The following CABP4 variants were observed in gnomAD, a reference collection of about 807,000 sequenced individuals.
CABP4 encodes the protein calcium binding protein 4, also known as calcium-binding protein 4.
A neutral mutation model predicts 30.7 loss-of-function variants in CABP4; 30 were observed. The observed-to-expected ratio is 0.98, with a 90% CI of 0.73 to 1.33. CABP4 has a LOEUF of 1.33. Ranked by LOEUF, CABP4 falls within the 40% of genes most tolerant of loss-of-function variation. The probability of loss-of-function intolerance (pLI) is 0.00; values close to 1 mark genes in which losing one functional copy is unlikely to be tolerated. For synonymous variants in CABP4, 161 were observed against 159.2 expected (o/e 1.01, Z -0.08); for missense variants, 424 against 395.5 (o/e 1.07, Z -0.61).
intron 1 of CABP4, 83 bp from the exon 2 acceptor site, chr11:67,456,105 G>C (rs1224243275): frequency 6.2e-7 from 1 of 1,612,042 alleles, no homozygotes; most frequent in East Asian, 2.2e-5. Flanking sequence ...GCCCTGCCCA[G>C]GCCAACATGA....
At chr11:67,455,933 G>C (rs1864769771) in intron 1 of CABP4, 144 bp downstream of exon 1, 1 of 1,308,536 alleles carries the variant, frequency 7.6e-7, no homozygotes. Context: ...GGTTGCTGCG[G>C]TTTGGGGAAG....
upstream of CABP4, chr11:67,452,763 C>A (rs749616302): frequency 6.1e-6 from 9 of 1,469,592 alleles, no homozygotes; most frequent in Non-Finnish European, 8.3e-6. Context: ...GGAGTGGGTG[C>A]CTGGTGAATC....
chr11:67,456,464 C>T (rs1408070817), intron 3 of CABP4, 22 bp downstream of exon 3: 23 of 1,605,452 alleles, frequency 1.4e-5, no homozygotes, highest in African/African-American at 4.0e-5. Context: ...AGCCCGCCCG[C>T]CCGGGCAGCC....
chr11:67,457,719 G>C (rs1384041938), intron 4 of CABP4, 37 bp downstream of exon 4: 1 of 1,507,450 alleles, frequency 6.6e-7, no homozygotes, highest in East Asian at 2.4e-5. Flanking sequence ...GGGGGGCAGG[G>C]CTGGGTGGCA....
chr11:67,452,525 G>A (rs763560796), upstream of CABP4: 12 of 1,606,782 alleles, frequency 7.5e-6, no homozygotes, highest in East Asian at 6.7e-5. Flanking sequence ...CAGGAGCAGC[G>A]CCAGACGCGT....
chr11:67,455,737 A>T lies in CABP4; in HGVS notation c.314A>T (p.His105Leu), dbSNP rs750889778. The T allele has an allele frequency of 6.2e-7, 1 of 1,603,144 alleles. No individual in the cohort carries two copies. The highest frequency in any genetic ancestry group is 8.5e-7 in the Non-Finnish European group (1 of 1,176,118). ...CACCGACATCGTCCTGACTCCCTGCACGACGCTGCTCAGAGGACATACGGG... is the reference window on the plus strand; with the variant it reads ...CACCGACATCGTCCTGACTCCCTGCTCGACGCTGCTCAGAGGACATACGGG... ...QSHRHRPDSL[H>L]DAAQRTYGPL... is the part of the protein sequence containing the mutation. The change falls in exon 1 of 6, where the codon CAC (histidine) becomes CTC (leucine). Residue 105 changes from histidine to leucine, a missense_variant. By Grantham distance (99) the His-to-Leu change is moderately conservative. Coordinates refer to ENST00000325656, the MANE Select transcript of CABP4 (RefSeq NM_145200.5).
rs1305230315 is a variant in CABP4 at position 67,456,080 on chromosome 11, C to G, written c.367-108C>G. ...ACGAGGCTTCAGGGTCCTTTTCCTACTCTGATGGGGCTGGGCCCTGCCCAG... is the reference window on the plus strand; with the variant it reads ...ACGAGGCTTCAGGGTCCTTTTCCTAGTCTGATGGGGCTGGGCCCTGCCCAG... On this transcript the variant is annotated intron_variant, in intron 1 of 5. Coordinates refer to ENST00000325656, the MANE Select transcript of CABP4 (RefSeq NM_145200.5). 4 of 1,606,496 alleles carry G rather than the reference C, an allele frequency of 2.5e-6. No homozygotes were observed. In the South Asian group the frequency reaches 3.3e-5, roughly 13 times the overall value.
At chr11:67,455,848 T>G in intron 1 of CABP4, 59 bp downstream of exon 1, 1 of 1,532,376 alleles carries the variant, frequency 6.5e-7, no homozygotes, top group Non-Finnish European at 8.8e-7. Flanking sequence ...GACACACCCC[T>G]TGGGCTCAGC....
Position 67,456,372 on chromosome 11 carries a change from C to T in CABP4, c.471C>T (p.Cys157=), listed in dbSNP as rs2135178231. Residue 157 remains cysteine (C), a synonymous_variant, in exon 3 of 6, where the codon TGC becomes TGT. Transcript: ENST00000325656. ...TCAGCCACCGGGAGCTGGGTGACTG[C>T]ATGCGGACCCTGGGCTACATGCCCA... The part of the protein sequence containing the change: ...GYISHRELGD[C]MRTLGYMPTE... The T allele has an allele frequency of 6.2e-7, 1 of 1,613,628 alleles. No individual in the cohort carries two copies. Among genetic ancestry groups the T allele is most frequent in the Non-Finnish European group, 8.5e-7 (1 of 1,179,996 alleles).
At chr11:67,455,961 C>T (rs767928727) in intron 1 of CABP4, 172 bp downstream of exon 1, 10 of 1,145,620 alleles carry the variant, frequency 8.7e-6, no homozygotes, top group East Asian at 8.5e-5. Flanking sequence ...CTCGGGCCAG[C>T]GTGGGCGGTG....
rs777888510 is a variant in CABP4 at position 67,457,577 on chromosome 11, C to A, written c.546C>A (p.Gly182=). The A allele has an allele frequency of 6.3e-7, 1 of 1,582,310 alleles. No homozygotes were observed. The highest frequency in any genetic ancestry group is 1.8e-5 in the Admixed American group (1 of 54,766). ...ACACTCTTCCTGGGTCTGCAGTGGG[C>A]GGCCGTGTGGACTTTGAGGAGTTTG... ...EVSQHIKMRM[G]GRVDFEEFVE... is the part of the protein sequence containing the mutation. The change falls in exon 4 of 6, where the codon GGC becomes GGA. Residue 182 remains glycine (G), a synonymous_variant. Transcript: ENST00000325656.
At chr11:67,455,971 G>A in intron 1 of CABP4, 182 bp downstream of exon 1, 3 of 1,154,026 alleles carry the variant, frequency 2.6e-6, no homozygotes, top group South Asian at 1.5e-5. Context: ...CGTGGGCGGT[G>A]GGCAGAGCCA....
At chr11:67,454,377 G>A (rs1305181911), upstream of CABP4, among the ~76,000 whole-genome samples, 2 of 152,080 alleles carry the variant, frequency 1.3e-5, no homozygotes, top group African/African-American at 4.8e-5. Flanking sequence ...GGTGCCCTCC[G>A]TACCCTCAGG....
intron 3 of CABP4, among the ~76,000 whole-genome samples, chr11:67,456,891 A>C (rs961389231): frequency 6.6e-6 from 1 of 152,044 alleles, no homozygotes; most frequent in Non-Finnish European, 1.5e-5. Context: ...CCCTGATGGG[A>C]GAGGACCCCA....
intron 3 of CABP4, 81 bp from the exon 4 acceptor site, chr11:67,457,492 G>C: frequency 8.4e-7 from 1 of 1,184,118 alleles, no homozygotes; most frequent in Non-Finnish European, 1.2e-6. Context: ...TGGGGGTGGG[G>C]GTGCCTGGCC....
chr11:67,460,616 A>G lies in CABP4; in HGVS notation c.*1957A>G, dbSNP rs1181533164. Among the ~76,000 whole-genome samples, 1 of 152,164 alleles carries G rather than the reference A, an allele frequency of 6.6e-6. No homozygotes were observed. The highest frequency in any genetic ancestry group is 1.9e-4 in the East Asian group (1 of 5,198). On this transcript the variant is annotated 3_prime_UTR_variant, in exon 6 of 6. Coordinates refer to ENST00000325656, the MANE Select transcript of CABP4 (RefSeq NM_145200.5). The stretch of plus-strand genomic sequence containing the variant: ...ACAATTTAAAGATTAATGAACTGGA[A>G]GCTATATCTAAGAAATCACTTATAA...
chr11:67,460,516 T>TATAC lies in CABP4; in HGVS notation c.*1858_*1859insTACA, dbSNP rs1554998700. On this transcript the variant is annotated 3_prime_UTR_variant, in exon 6 of 6. Coordinates refer to ENST00000325656, the MANE Select transcript of CABP4 (RefSeq NM_145200.5). ...AAAAAAATAAAGTATATTTTATATA[T>TATAC]ACACACACACACACACACACACACA... 2.3e-3 allele frequency among the ~76,000 whole-genome samples: 351 copies of TATAC among 149,490 alleles called. No homozygotes were observed. The highest frequency in any genetic ancestry group is 6.8e-3 in the Middle Eastern group (2 of 294).
chr11:67,459,109 C>T lies in CABP4; in HGVS notation c.*450C>T. The T allele has an allele frequency of 5.1e-6, 1 of 197,232 alleles. No homozygotes were observed. The highest frequency in any genetic ancestry group is 1.1e-5 in the Non-Finnish European group (1 of 94,138). 12.2% of individuals were successfully genotyped at this position (197,232 alleles called of 1,614,324 possible). The stretch of plus-strand genomic sequence containing the variant: ...ACCTGTAAGCCCAGCTGTCAGGGGG[C>T]AGAAGCGGGAGGATAGCTTGAGCCC... On this transcript the variant is annotated 3_prime_UTR_variant, in exon 6 of 6. Transcript: ENST00000325656.
chr11:67,456,920 G>A (rs12803635), intron 3 of CABP4, among the ~76,000 whole-genome samples: 5,438 of 152,326 alleles, frequency 0.036, 104 homozygotes, highest in East Asian at 0.055. Context: ...TTGCGACTCA[G>A]TGTCTGATGG....
Sources: allele counts gnomAD v4.1 joint callset (sites outside exome capture counted in the v4.1 genomes callset), GRCh38; gene constraint gnomAD v4.1.1; transcripts MANE v1.5; gene names NCBI Gene and HGNC (gene_info 2026-07-23, HGNC 2026-07-21).